SLC6A5: variants seen among roughly 807,000 people sequenced by gnomAD.
The protein encoded by SLC6A5 is sodium- and chloride-dependent glycine transporter 2.
A neutral mutation model predicts 90.5 loss-of-function variants in SLC6A5; 58 were observed. That is an observed-to-expected ratio of 0.64 (90% CI 0.52 to 0.80). The LOEUF is 0.80. Among genes scored for constraint, SLC6A5 ranks in the 30% least tolerant of loss-of-function variants. The probability of loss-of-function intolerance (pLI) is 0.00; values close to 1 mark genes in which losing one functional copy is unlikely to be tolerated. For synonymous variants in SLC6A5, 427 were observed against 401.4 expected, an observed-to-expected ratio of 1.06 and a Z score of -0.76; for missense variants, 1,015 against 1,017.6, an observed-to-expected ratio of 1.00 and a Z score of 0.03.
At chr11:20,629,417 T>C (rs1278483219) in intron 9 of SLC6A5, among the ~76,000 whole-genome samples, 2 of 152,316 alleles carry the variant, frequency 1.3e-5, no homozygotes, top group Non-Finnish European at 2.9e-5. Flanking sequence ...CCTCTGCCCC[T>C]GGAATAATGT....
At chr11:20,621,786 G>A (rs537373290) in intron 7 of SLC6A5, among the ~76,000 whole-genome samples, 1 of 152,276 alleles carries the variant, frequency 6.6e-6, no homozygotes, top group African/African-American at 2.4e-5. Context: ...TCTTGTTTAG[G>A]GCCTCAGGAG....
intron 5 of SLC6A5, among the ~76,000 whole-genome samples, chr11:20,611,780 A>ACC (rs1214680869): frequency 6.6e-6 from 1 of 150,656 alleles, no homozygotes; most frequent in East Asian, 2.0e-4. Context: ...AAAAAAAAAA[A>ACC]AACAAGGTGT....
intron 10 of SLC6A5, among the ~76,000 whole-genome samples, chr11:20,635,021 A>G (rs958946270): frequency 6.6e-6 from 1 of 152,136 alleles, no homozygotes; most frequent in Non-Finnish European, 1.5e-5. Context: ...TGGCTGGCAG[A>G]GCTTTACGAT....
chr11:20,651,833 G>C (rs1484251397), intron 14 of SLC6A5, among the ~76,000 whole-genome samples: 1 of 151,982 alleles, frequency 6.6e-6, no homozygotes, highest in Non-Finnish European at 1.5e-5. Context: ...CTTGAACCTG[G>C]GAGGGGGAGG....
In SLC6A5 at chr11:20,652,366, G is replaced by T. The variant is rs1853557397; in HGVS notation, c.2148G>T (p.Val716=). The T allele has an allele frequency of 6.2e-7, 1 of 1,614,016 alleles. No homozygotes were observed. Among genetic ancestry groups the T allele is most frequent in the Non-Finnish European group, 8.5e-7 (1 of 1,179,944 alleles). Residue 716 remains valine (V), a synonymous_variant, in exon 15 of 16, where the codon GTG becomes GTT. Coordinates refer to ENST00000525748, the MANE Select transcript of SLC6A5 (RefSeq NM_004211.5). ...GSYRYPNWSM[V]LGWLMLACSV... is the part of the protein sequence containing the mutation. ...ACCGCTATCCTAACTGGTCCATGGTGCTCGGATGGCTAATGCTCGCCTGTT... is the reference window on the plus strand; with the variant it reads ...ACCGCTATCCTAACTGGTCCATGGTTCTCGGATGGCTAATGCTCGCCTGTT...
Position 20,638,425 on chromosome 11 carries a change from G to A in SLC6A5, c.1870-34G>A, listed in dbSNP as rs753754558. 15 of 1,291,506 alleles carry A rather than the reference G, an allele frequency of 1.2e-5. 1 individual carries two copies. Among genetic ancestry groups the A allele is most frequent in the East Asian group, 9.3e-5 (4 of 43,174 alleles). The allele number at this position is 1,291,506 out of a possible 1,614,324, so 80.0% of individuals were successfully genotyped here. On this transcript the variant is annotated intron_variant, in intron 12 of 15. Coordinates refer to ENST00000525748, the MANE Select transcript of SLC6A5 (RefSeq NM_004211.5). ...GGAAGAGACAGCCTGGCTTCAGGAC[G>A]CATTTGATATTGGTTGTTTCTCTCT...
intron 5 of SLC6A5, among the ~76,000 whole-genome samples, 193 bp downstream of exon 5, chr11:20,607,845 T>C (rs1342837761): frequency 1.3e-5 from 2 of 152,230 alleles, no homozygotes; most frequent in Non-Finnish European, 2.9e-5. Context: ...GAAAGCTTAA[T>C]CAAATTTTTG....
intron 5 of SLC6A5, among the ~76,000 whole-genome samples, chr11:20,609,260 C>A (rs1374148965): frequency 6.6e-6 from 1 of 151,786 alleles, no homozygotes; most frequent in Non-Finnish European, 1.5e-5. Flanking sequence ...CTATCTCATT[C>A]TTACCCAGTG....
At chr11:20,635,431 CT>C (rs1853187361) in intron 10 of SLC6A5, among the ~76,000 whole-genome samples, 1 of 152,090 alleles carries the variant, frequency 6.6e-6, no homozygotes, top group Non-Finnish European at 1.5e-5. Context: ...ACTACTAGGA[CT>C]GATGTAGCCC....
intron 14 of SLC6A5, among the ~76,000 whole-genome samples, chr11:20,649,758 G>T (rs1248492449): frequency 1.3e-5 from 2 of 152,156 alleles, no homozygotes; most frequent in African/African-American, 4.8e-5. Flanking sequence ...AGTTATGCAT[G>T]CACATAAGCA....
At chr11:20,611,081 C>T (rs149495154) in intron 5 of SLC6A5, among the ~76,000 whole-genome samples, 29 of 152,308 alleles carry the variant, frequency 1.9e-4, no homozygotes, top group African/African-American at 6.3e-4. Flanking sequence ...ATTTCTGATG[C>T]TAGAATCATA....
chr11:20,654,720 A>T lies in SLC6A5; in HGVS notation c.2246A>T (p.Lys749Met). The change falls in exon 16 of 16, where the codon AAG becomes ATG. Residue 749 changes from lysine to methionine, a missense_variant. Around this residue, in one of 3 missense-constraint regions of SLC6A5, gnomAD observed 442 missense variants for 494.3 expected, o/e 0.89. Coordinates refer to ENST00000525748, the MANE Select transcript of SLC6A5 (RefSeq NM_004211.5). ...LAPGRFIERL[K>M]LVCSPQPDWG... ...TCTTTGGCTTCTTTGCAGAGGCTGA[A>T]GTTGGTGTGCTCGCCACAGCCGGAC... is the stretch of plus-strand genomic sequence containing the variant. 1 of 1,614,108 alleles carries T rather than the reference A, an allele frequency of 6.2e-7. No individual in the cohort carries two copies. Among genetic ancestry groups the T allele is most frequent in the Non-Finnish European group, 8.5e-7 (1 of 1,180,014 alleles).
At chr11:20,614,046 C>T (rs564295783) in intron 5 of SLC6A5, among the ~76,000 whole-genome samples, 19 of 152,200 alleles carry the variant, frequency 1.2e-4, no homozygotes, top group African/African-American at 2.4e-4. Flanking sequence ...CCCCGGTAGA[C>T]GGCGTGGTTG....
chr11:20,633,753 G>A (rs1235908300), intron 10 of SLC6A5, among the ~76,000 whole-genome samples: 1 of 152,196 alleles, frequency 6.6e-6, no homozygotes, highest in Admixed American at 6.5e-5. Context: ...AATTCTCACG[G>A]AAGCTCTATA....
intron 15 of SLC6A5, among the ~76,000 whole-genome samples, chr11:20,653,212 C>A (rs1174386529): frequency 6.6e-6 from 1 of 152,162 alleles, no homozygotes; most frequent in East Asian, 1.9e-4. Flanking sequence ...AGGAATCTGG[C>A]ATTTTGGACT....
intron 12 of SLC6A5, among the ~76,000 whole-genome samples, chr11:20,637,623 G>T (rs1282444326): frequency 6.6e-6 from 1 of 152,182 alleles, no homozygotes; most frequent in African/African-American, 2.4e-5. Flanking sequence ...GAGGCAGAAG[G>T]ATTGCTTGAG....
At position 20,630,675 on chromosome 11, in the gene SLC6A5, G is replaced by T; in HGVS notation, c.1500-16G>T. Reference sequence around the variant, plus strand: ...CCAAGCACACCTAATGGAAAACTCTGGTCTCTTCCTTCCAGGGACACTCTA... The same window carrying T: ...CCAAGCACACCTAATGGAAAACTCTTGTCTCTTCCTTCCAGGGACACTCTA... On this transcript the variant is annotated splice_polypyrimidine_tract_variant and intron_variant, in intron 9 of 15. Transcript: ENST00000525748. 1.2e-6 allele frequency: 2 copies of T among 1,614,100 alleles called. No individual in the cohort carries two copies.
intron 5 of SLC6A5, among the ~76,000 whole-genome samples, chr11:20,611,736 C>T (rs1232087685): frequency 1.3e-5 from 2 of 149,756 alleles, no homozygotes; most frequent in Admixed American, 6.7e-5. Flanking sequence ...CTCATTCTTA[C>T]CCAGTGGTTT....
At chr11:20,610,900 G>A (rs1565274405) in intron 5 of SLC6A5, among the ~76,000 whole-genome samples, 1 of 152,090 alleles carries the variant, frequency 6.6e-6, no homozygotes, top group African/African-American at 2.4e-5. Context: ...TGCACAGGAC[G>A]GTCCCACAGC....
Sources: allele counts gnomAD v4.1 joint callset (sites outside exome capture counted in the v4.1 genomes callset), GRCh38; gene constraint gnomAD v4.1.1; regional missense constraint gnomAD v4.1.1; transcripts MANE v1.5; gene names NCBI Gene and HGNC (gene_info 2026-07-23, HGNC 2026-07-21).